Variants in NDRG3 observed in about 807,000 individuals in gnomAD.
The protein encoded by NDRG3 is NDRG family member 3, also known as protein NDRG3.
In NDRG3, 23 loss-of-function variants were observed where a neutral mutation model predicts 57.2. The observed-to-expected ratio is 0.40, with a 90% CI of 0.29 to 0.57. NDRG3 has a LOEUF of 0.57. Among genes scored for constraint, NDRG3 ranks in the 20% least tolerant of loss-of-function variants. The pLI is 0.42. For missense variants in NDRG3, 384 were observed against 457.3 expected (o/e 0.84, Z 1.46); for synonymous variants, 132 against 162.6 (o/e 0.81, Z 1.43).
intron 1 of NDRG3, among the ~76,000 whole-genome samples, chr20:36,738,565 G>C (rs1471848717): frequency 1.3e-5 from 2 of 151,834 alleles, no homozygotes; most frequent in African/African-American, 4.8e-5. Flanking sequence ...GCTCACGCCT[G>C]TAATCCCAAC....
chr20:36,688,852 A>G (rs1982019303), intron 3 of NDRG3, 68 bp from the exon 4 acceptor site: 3 of 1,106,804 alleles, frequency 2.7e-6, no homozygotes, highest in Middle Eastern at 1.9e-4. Flanking sequence ...AAGTTTCACA[A>G]TACCTGCTTT....
In NDRG3 at chr20:36,724,067, G is replaced by C. The variant is rs546357964; in HGVS notation, c.-48-2284C>G. Among the ~76,000 whole-genome samples, 23 of 152,190 alleles carry C rather than the reference G, an allele frequency of 1.5e-4. No homozygotes were observed. In the South Asian group the frequency reaches 4.6e-3, roughly 30 times the overall value. ...TCTAGAGATAGAATGACATGATTTT[G>C]ATTTAATTACCTATGGAGAGGGTAT... is the stretch of plus-strand genomic sequence containing the variant. On this transcript the variant is annotated intron_variant, in intron 1 of 15. Transcript: ENST00000349004.
At chr20:36,676,234 G>A (rs1980691995) in intron 8 of NDRG3, among the ~76,000 whole-genome samples, 1 of 151,548 alleles carries the variant, frequency 6.6e-6, no homozygotes. Flanking sequence ...AGCGAGATCC[G>A]TCTCAAAAAA....
intron 10 of NDRG3, among the ~76,000 whole-genome samples, chr20:36,665,952 A>AG (rs1440870916): frequency 6.6e-6 from 1 of 152,194 alleles, no homozygotes; most frequent in South Asian, 2.1e-4. Flanking sequence ...CACTTTGAGG[A>AG]GGGGGGAGGG....
Position 36,671,663 on chromosome 20 carries a change from G to T in NDRG3, c.532-266C>A, listed in dbSNP as rs372021747. ...TAAAAATACAAAAAATTAGCCAGGT[G>T]TGGTGGCAGGTACCTGTAGTCCCTG... is the stretch of plus-strand genomic sequence containing the variant. On this transcript the variant is annotated intron_variant, in intron 8 of 15. Transcript: ENST00000349004. 2.0e-4 allele frequency among the ~76,000 whole-genome samples: 30 copies of T among 152,172 alleles called. No individual in the cohort carries two copies. The East Asian group carries it at 5.2e-3, about 26-fold the overall frequency.
rs769704047 is a variant in NDRG3 at position 36,653,197 on chromosome 20, C to T, written c.*323G>A. ...ACACACAAACACAGACACGCGTGCT[C>T]GCACACACAGAGTCGGGATCAAAGA... On this transcript the variant is annotated 3_prime_UTR_variant, in exon 16 of 16. Coordinates refer to ENST00000349004, the MANE Select transcript of NDRG3 (RefSeq NM_032013.4). This position sits in a 1 kb window ranked among gnomAD's most constrained non-coding sequence, Gnocchi z 4.2. 13 of 239,436 alleles carry T rather than the reference C, an allele frequency of 5.4e-5. No individual in the cohort carries two copies. Among genetic ancestry groups the T allele is most frequent in the Non-Finnish European group, 8.1e-5 (10 of 123,222 alleles). 14.8% of individuals were successfully genotyped at this position (239,436 alleles called of 1,614,324 possible).
At chr20:36,745,127 GGGCTTCAT>G (rs950663003) in intron 1 of NDRG3, among the ~76,000 whole-genome samples, 31 of 152,082 alleles carry the variant, frequency 2.0e-4, no homozygotes, top group African/African-American at 7.0e-4. Context: ...AAGAAAAAAA[GGGCTTCAT>G]GACAAGGAAG....
chr20:36,654,701 C>G (rs769669001), intron 15 of NDRG3: 2 of 754,554 alleles, frequency 2.7e-6, no homozygotes, highest in Non-Finnish European at 5.0e-6. Flanking sequence ...CACGTTCTAT[C>G]GGGCTCTCAC....
At position 36,656,418 on chromosome 20, in the gene NDRG3, G is replaced by A. The variant is rs1978674754; in HGVS notation, c.895-7C>T. 1 of 1,614,008 alleles carries A rather than the reference G, an allele frequency of 6.2e-7. No individual in the cohort carries two copies. Among genetic ancestry groups the A allele is most frequent in the Admixed American group, 1.7e-5 (1 of 59,982 alleles). Reference sequence around the variant, plus strand: ...CCTCGGTGAGCTTCCCAGGCTGGGGGGATAAAACAAGAGGGCATTAATTTT... The same window carrying A: ...CCTCGGTGAGCTTCCCAGGCTGGGGAGATAAAACAAGAGGGCATTAATTTT... On this transcript the variant is annotated splice_polypyrimidine_tract_variant and splice_region_variant and intron_variant, in intron 14 of 15. Transcript: ENST00000349004.
chr20:36,731,362 T>G (rs1985272808), intron 1 of NDRG3, among the ~76,000 whole-genome samples: 1 of 152,042 alleles, frequency 6.6e-6, no homozygotes, highest in Non-Finnish European at 1.5e-5. Flanking sequence ...GGAGGAAAAC[T>G]GTCAAATGCT....
intron 2 of NDRG3, among the ~76,000 whole-genome samples, chr20:36,708,393 T>C (rs2148171592): frequency 6.6e-6 from 1 of 152,174 alleles, no homozygotes; most frequent in East Asian, 1.9e-4. Context: ...CTTATGCCTG[T>C]AATCCTAGCA....
At chr20:36,701,863 TAAAAAA>T (rs200584072) in intron 3 of NDRG3, among the ~76,000 whole-genome samples, 3 of 116,158 alleles carry the variant, frequency 2.6e-5, no homozygotes, top group Non-Finnish European at 5.5e-5. Context: ...CCTGCATCTT[TAAAAAA>T]AAAAAAAAAA....
intron 2 of NDRG3, among the ~76,000 whole-genome samples, chr20:36,711,943 C>T (rs1319524821): frequency 6.6e-6 from 1 of 152,124 alleles, no homozygotes; most frequent in Non-Finnish European, 1.5e-5. Context: ...CTGCGCCCGG[C>T]TAATTTTTTG....
intron 12 of NDRG3, among the ~76,000 whole-genome samples, chr20:36,662,562 T>G (rs998551641): frequency 6.6e-6 from 1 of 152,232 alleles, no homozygotes; most frequent in Non-Finnish European, 1.5e-5. Flanking sequence ...CATTTTCATA[T>G]TCTTCATAGC....
At chr20:36,658,600 A>G (rs1367624271) in intron 13 of NDRG3, among the ~76,000 whole-genome samples, 1 of 152,242 alleles carries the variant, frequency 6.6e-6, no homozygotes, top group Non-Finnish European at 1.5e-5. Context: ...CAGACTGAAA[A>G]TGTAGCAGTA....
intron 9 of NDRG3, among the ~76,000 whole-genome samples, chr20:36,666,928 G>T (rs1979684430): frequency 6.6e-6 from 1 of 152,070 alleles, no homozygotes; most frequent in Non-Finnish European, 1.5e-5. Context: ...CCACCTCCCG[G>T]GTTCAAGCAA....
intron 3 of NDRG3, among the ~76,000 whole-genome samples, chr20:36,689,011 A>G (rs1173875048): frequency 6.6e-6 from 1 of 152,028 alleles, no homozygotes; most frequent in Non-Finnish European, 1.5e-5. Flanking sequence ...CCTGGCCAAC[A>G]TGATGAAACC....
intron 9 of NDRG3, among the ~76,000 whole-genome samples, chr20:36,669,852 C>G (rs958399721): frequency 2.6e-5 from 4 of 152,148 alleles, no homozygotes; most frequent in Non-Finnish European, 5.9e-5. Context: ...CTCACCTCAG[C>G]CTCCCAAAGT....
chr20:36,655,803 T>G (rs1978601326), intron 15 of NDRG3, among the ~76,000 whole-genome samples: 1 of 152,158 alleles, frequency 6.6e-6, no homozygotes, highest in Non-Finnish European at 1.5e-5. Context: ...AGTTTCTTCT[T>G]CTATAAATTG....
Sources: gnomAD v4.1 joint callset for allele counts (sites outside exome capture counted in the v4.1 genomes callset) on GRCh38, gnomAD v4.1.1 for gene constraint, Gnocchi (gnomAD v3.1) non-coding constraint, MANE v1.5 for transcripts, NCBI Gene and HGNC (gene_info 2026-07-23, HGNC 2026-07-21) for gene names.